Variants in FAT3 observed in about 807,000 individuals in gnomAD.
FAT3 encodes the protein protocadherin Fat 3.
A neutral mutation model predicts 310.2 loss-of-function variants in FAT3; 95 were observed. The ratio of observed to expected loss-of-function variants is 0.31; its 90% CI spans 0.26 to 0.36. The LOEUF (loss-of-function observed/expected upper bound fraction) is 0.36, where lower values mean the gene tolerates loss of function less well. Ranked by LOEUF, FAT3 falls within the 10% of genes least tolerant of loss-of-function variation. The pLI is 1.00. For missense variants in FAT3, 5,408 were observed against 5,715.6 expected (o/e 0.95, Z 1.74); for synonymous variants, 2,314 against 2,192.9 (o/e 1.06, Z -1.54).
chr11:92,839,334 A>T (rs1298031759), intron 17 of FAT3, among the ~76,000 whole-genome samples: 1 of 152,194 alleles, frequency 6.6e-6, no homozygotes, highest in Admixed American at 6.5e-5. Flanking sequence ...TCTATGCAGG[A>T]AGCGGCCTTT....
At chr11:92,632,783 T>C (rs1003389034) in intron 3 of FAT3, among the ~76,000 whole-genome samples, 4 of 152,202 alleles carry the variant, frequency 2.6e-5, no homozygotes, top group African/African-American at 9.6e-5. Context: ...GTAAATTTGC[T>C]TGTCCAGATG....
In FAT3 at chr11:92,895,116, C is replaced by G. The variant is rs1355853505; in HGVS notation, c.*4003C>G. The G allele has an allele frequency of 1.3e-5, 2 of 152,250 alleles. No homozygotes were observed. The highest frequency in any genetic ancestry group is 4.8e-5 in the African/African-American group (2 of 41,466). 9.4% of individuals were successfully genotyped at this position (152,250 alleles called of 1,614,324 possible). On this transcript the variant is annotated 3_prime_UTR_variant, in exon 28 of 28. Coordinates refer to ENST00000525166, the MANE Select transcript of FAT3 (RefSeq NM_001367949.2). ...GATAATTGGCTCTTCACTCCGCTGC[C>G]TTCCCAGTGCACAGGTATTGCTAAA...
intron 5 of FAT3, 90 bp downstream of exon 5, chr11:92,762,260 A>G: frequency 7.5e-7 from 1 of 1,332,232 alleles, no homozygotes; most frequent in Non-Finnish European, 1.0e-6. Context: ...ATAAATCTTT[A>G]GAGTAAAAAG....
intron 2 of FAT3, among the ~76,000 whole-genome samples, chr11:92,461,841 C>G (rs574741761): frequency 1.3e-5 from 2 of 152,164 alleles, no homozygotes; most frequent in African/African-American, 4.8e-5. Context: ...CTCTCACCCT[C>G]GCCTCGACTT....
At chr11:92,822,955 G>A (rs1948008940) in intron 13 of FAT3, among the ~76,000 whole-genome samples, 2 of 151,994 alleles carry the variant, frequency 1.3e-5, no homozygotes, top group Admixed American at 1.3e-4. Context: ...ACCTTATTTT[G>A]CTACTGACAA....
rs531887477 is a variant in FAT3 at position 92,469,520 on chromosome 11, A to AT, written c.3293-55102dup. On this transcript the variant is annotated intron_variant, in intron 2 of 27. Transcript: ENST00000525166. Reference sequence around the variant, plus strand: ...TTATTTTAAAATGTTCTAATTTGTGATTTTTTTTTTTTGAGATGGAATCTC... The same window carrying AT: ...TTATTTTAAAATGTTCTAATTTGTGATTTTTTTTTTTTTGAGATGGAATCTC... 1.8e-3 allele frequency among the ~76,000 whole-genome samples: 260 copies of AT among 146,620 alleles called. 1 individual carries two copies. Among genetic ancestry groups the AT allele is most frequent in the Middle Eastern group, 3.6e-3 (1 of 278 alleles).
At chr11:92,568,250 G>A (rs533255850) in intron 3 of FAT3, among the ~76,000 whole-genome samples, 83 of 152,134 alleles carry the variant, frequency 5.5e-4, no homozygotes, top group African/African-American at 2.0e-3. Context: ...ATACGTTTAA[G>A]TTCCCCCAAG....
At chr11:92,725,350 T>A (rs1330774573) in intron 4 of FAT3, among the ~76,000 whole-genome samples, 1 of 152,140 alleles carries the variant, frequency 6.6e-6, no homozygotes, top group Non-Finnish European at 1.5e-5. Context: ...CCACAGCCAT[T>A]AAAAATTGTG....
Position 92,883,008 on chromosome 11 carries a change from C to A in FAT3, c.12552C>A (p.Tyr4184Ter). 6.2e-7 allele frequency: 1 copy of A among 1,613,946 alleles called. No homozygotes were observed. Among genetic ancestry groups the A allele is most frequent in the Non-Finnish European group, 8.5e-7 (1 of 1,179,896 alleles). The change falls in exon 24 of 28, where the codon TAC (tyrosine) becomes TAA (stop). Residue 4184 changes from tyrosine (Y) to a stop codon, truncating the protein, a stop_gained. Coordinates refer to ENST00000525166, the MANE Select transcript of FAT3 (RefSeq NM_001367949.2). LOFTEE classifies it high-confidence loss of function. The surrounding 1 kb of genome is among the most constrained non-coding windows in gnomAD (Gnocchi z 4.2). ...GCAAGAAGGTCTTCCGCAAGAACTA[C>A]TCCCGCAACAACATCACGCTAGTGC... ...VFRKKVFRKN[Y>*]SRNNITLVQD...
intron 1 of FAT3, among the ~76,000 whole-genome samples, chr11:92,294,180 G>T (rs892776623): frequency 7.9e-5 from 12 of 151,960 alleles, no homozygotes; most frequent in African/African-American, 2.9e-4. Context: ...CCCTCAAATG[G>T]CTTTTCCTTG....
rs373765265 is a variant in FAT3 at position 92,844,656 on chromosome 11, G to C, written c.11289G>C (p.Ala3763=). 1.2e-5 allele frequency: 19 copies of C among 1,607,916 alleles called. No homozygotes were observed. The highest frequency in any genetic ancestry group is 1.6e-5 in the Non-Finnish European group (19 of 1,176,810). The change falls in exon 19 of 28, where the codon GCG becomes GCC. Residue 3763 remains alanine (A), a synonymous_variant. Coordinates refer to ENST00000525166, the MANE Select transcript of FAT3 (RefSeq NM_001367949.2). ...CEQGLSLDSH[A]LMTYSTARIS... is the part of the protein sequence containing the mutation. Reference sequence around the variant, plus strand: ...AAGGCTTGTCACTCGATTCCCACGCGCTCATGACCTACAGCACGGCTCGCA... The same window carrying C: ...AAGGCTTGTCACTCGATTCCCACGCCCTCATGACCTACAGCACGGCTCGCA...
At chr11:92,742,858 T>A (rs548437230) in intron 4 of FAT3, among the ~76,000 whole-genome samples, 1 of 152,282 alleles carries the variant, frequency 6.6e-6, no homozygotes, top group East Asian at 1.9e-4. Context: ...ACACTGCACA[T>A]TGGAGGCACT....
intron 2 of FAT3, among the ~76,000 whole-genome samples, chr11:92,432,169 T>C (rs544625806): frequency 6.6e-6 from 1 of 152,188 alleles, no homozygotes; most frequent in Non-Finnish European, 1.5e-5. Flanking sequence ...CCTCTTTTAT[T>C]TCGTTGAGCA....
chr11:92,276,998 T>G (rs1038822853), intron 1 of FAT3, among the ~76,000 whole-genome samples: 8 of 152,166 alleles, frequency 5.3e-5, no homozygotes, highest in African/African-American at 1.9e-4. Flanking sequence ...ACTGATTGCT[T>G]GCAGCTGTAG....
At chr11:92,649,118 G>A (rs1942276455) in intron 3 of FAT3, among the ~76,000 whole-genome samples, 1 of 152,170 alleles carries the variant, frequency 6.6e-6, no homozygotes, top group Non-Finnish European at 1.5e-5. Context: ...GGCACGTGAA[G>A]AAACAGATCT....
At chr11:92,840,467 A>G in intron 17 of FAT3, 95 bp from the exon 18 acceptor site, 1 of 1,186,290 alleles carries the variant, frequency 8.4e-7, no homozygotes. Context: ...TCAGCCTGAA[A>G]TGATGGTATT....
At chr11:92,524,515 A>G (rs1274182110) in intron 2 of FAT3, 119 bp from the exon 3 acceptor site, 5 of 834,884 alleles carry the variant, frequency 6.0e-6, no homozygotes, top group Non-Finnish European at 9.1e-6. Context: ...ACCTTATGTT[A>G]TGGATTTGGG....
chr11:92,844,327 G>A lies in FAT3; in HGVS notation c.10960G>A (p.Glu3654Lys), dbSNP rs754665545. 6.2e-7 allele frequency: 1 copy of A among 1,613,964 alleles called. No homozygotes were observed. Among genetic ancestry groups the A allele is most frequent in the East Asian group, 2.2e-5 (1 of 44,882 alleles). ...GCAGAACACTGTCACCATCCGCTTT[G>A]AAAATGTGTCCCCTGAGGACTTCGT... ...MLQNTVTIRF[E>K]NVSPEDFVGL... The change falls in exon 19 of 28, where the codon GAA becomes AAA. Residue 3654 changes from glutamate (E) to lysine (K), a missense_variant. Transcript: ENST00000525166.
intron 22 of FAT3, among the ~76,000 whole-genome samples, chr11:92,875,174 A>T (rs1037546751): frequency 6.7e-6 from 1 of 150,178 alleles, no homozygotes; most frequent in Admixed American, 6.7e-5. Context: ...CTAAAAAAAA[A>T]ATCTGACCAC....
Sources: allele counts gnomAD v4.1 joint callset (sites outside exome capture counted in the v4.1 genomes callset), GRCh38; gene constraint gnomAD v4.1.1; non-coding constraint Gnocchi (gnomAD v3.1); transcripts MANE v1.5; gene names NCBI Gene and HGNC (gene_info 2026-07-23, HGNC 2026-07-21).